CCDC102B: variants seen among roughly 807,000 people sequenced by gnomAD.
CCDC102B encodes coiled-coil domain-containing protein 102B.
Under a neutral mutation model 57.4 loss-of-function variants are expected in CCDC102B, and 75 were observed. The observed-to-expected ratio is 1.31, with a 90% CI of 1.08 to 1.58. The LOEUF is 1.58. Ranked by LOEUF, CCDC102B falls within the 40% of genes most tolerant of loss-of-function variation. The pLI, the probability that CCDC102B is intolerant of heterozygous loss-of-function variation, is 0.00. For synonymous variants in CCDC102B, 206 were observed against 201.9 expected (o/e 1.02, Z -0.17); for missense variants, 636 against 582.6 (o/e 1.09, Z -0.94).
intron 1 of CCDC102B, among the ~76,000 whole-genome samples, chr18:68,829,213 A>G (rs1871109231): frequency 6.6e-6 from 1 of 152,042 alleles, no homozygotes; most frequent in Admixed American, 6.6e-5. Flanking sequence ...TCCAGCTCAT[A>G]CATACAAAAT....
rs75003044 is a variant in CCDC102B at position 68,727,751 on chromosome 18, G to A, written c.-67+11157G>A. On this transcript the variant is annotated intron_variant, in intron 2 of 3. Coordinates refer to the CCDC102B transcript ENST00000578970. ...GAAAGCAGCTGTCTTGTGTCCAGCA[G>A]CTAGTAAATTCTTCATGGGAGAATA... 7.2e-3 allele frequency among the ~76,000 whole-genome samples: 1,094 copies of A among 152,318 alleles called. 16 individuals are homozygous for A. The highest frequency in any genetic ancestry group is 0.025 in the African/African-American group (1,035 of 41,586).
chr18:68,998,494 G>T (rs2163476), intron 6 of CCDC102B, among the ~76,000 whole-genome samples: 128,293 of 149,460 alleles, frequency 0.86, 56,955 homozygotes, highest in Non-Finnish European at 0.97. Context: ...TAGATGCATA[G>T]GAAAGAGAGT....
At chr18:68,759,220 C>T (rs1017188946) in intron 2 of CCDC102B, among the ~76,000 whole-genome samples, 2 of 151,864 alleles carry the variant, frequency 1.3e-5, no homozygotes, top group African/African-American at 4.8e-5. Flanking sequence ...ATTACCAGTC[C>T]AGGATGTTTA....
intron 2 of CCDC102B, among the ~76,000 whole-genome samples, chr18:68,776,793 A>G (rs1283664056): frequency 1.3e-5 from 2 of 152,334 alleles, no homozygotes; most frequent in East Asian, 3.9e-4. Context: ...ACAAACCTGC[A>G]TATGTACCCC....
intron 7 of CCDC102B, 30 bp from the exon 8 acceptor site, chr18:69,054,000 T>C (rs781278290): frequency 1.5e-5 from 23 of 1,580,290 alleles, no homozygotes; most frequent in Middle Eastern, 3.3e-4. Flanking sequence ...CACTTGAACC[T>C]AACTAAAGCA....
At chr18:68,790,501 C>T (rs1037123883) in intron 2 of CCDC102B, among the ~76,000 whole-genome samples, 2 of 152,132 alleles carry the variant, frequency 1.3e-5, no homozygotes, top group African/African-American at 4.8e-5. Flanking sequence ...GCGTAGGACC[C>T]TCCGAGCCAG....
chr18:68,964,895 C>T (rs1474569427), intron 6 of CCDC102B, among the ~76,000 whole-genome samples: 4 of 151,638 alleles, frequency 2.6e-5, no homozygotes, highest in African/African-American at 9.7e-5. Context: ...TTCTCTTTTC[C>T]TCAGTTCTTG....
At chr18:68,755,911 A>G (rs2034031628) in intron 2 of CCDC102B, among the ~76,000 whole-genome samples, 1 of 151,686 alleles carries the variant, frequency 6.6e-6, no homozygotes, top group African/African-American at 2.4e-5. Flanking sequence ...TGCTTGAAAC[A>G]TTTCACATAC....
At chr18:68,727,805 T>A (rs187396807) in intron 2 of CCDC102B, among the ~76,000 whole-genome samples, 41 of 152,328 alleles carry the variant, frequency 2.7e-4, no homozygotes, top group Non-Finnish European at 5.4e-4. Context: ...CTGGGCAGAA[T>A]TACAGGCTCT....
intron 7 of CCDC102B, among the ~76,000 whole-genome samples, chr18:69,032,905 CT>C (rs2052187083): frequency 6.6e-6 from 1 of 151,982 alleles, no homozygotes; most frequent in Non-Finnish European, 1.5e-5. Context: ...GAAAAAAAAA[CT>C]CTGAGCTGCA....
At chr18:68,965,628 A>G (rs2050149668) in intron 6 of CCDC102B, among the ~76,000 whole-genome samples, 1 of 151,448 alleles carries the variant, frequency 6.6e-6, no homozygotes, top group Non-Finnish European at 1.5e-5. Context: ...ATATATATAT[A>G]AAAAACCAGT....
intron 6 of CCDC102B, among the ~76,000 whole-genome samples, chr18:68,905,799 T>C (rs1042399405): frequency 3.8e-5 from 5 of 131,678 alleles, no homozygotes; most frequent in Non-Finnish European, 8.0e-5. Context: ...TTTTTTTTTT[T>C]TTTTTTTTTT....
intron 2 of CCDC102B, among the ~76,000 whole-genome samples, chr18:68,782,800 AT>A (rs1255112154): frequency 2.6e-5 from 4 of 152,228 alleles, no homozygotes; most frequent in African/African-American, 7.2e-5. Context: ...ATGTTTCATA[AT>A]ACAGTAAAAA....
intron 5 of CCDC102B, among the ~76,000 whole-genome samples, chr18:68,896,881 T>C (rs568598045): frequency 6.6e-6 from 1 of 151,986 alleles, no homozygotes; most frequent in African/African-American, 2.4e-5. Context: ...AATGATATTG[T>C]GTCTTCTCCA....
intron 7 of CCDC102B, among the ~76,000 whole-genome samples, chr18:69,019,494 G>T (rs1392796499): frequency 6.6e-6 from 1 of 150,818 alleles, no homozygotes; most frequent in Admixed American, 6.6e-5. Context: ...TATTGTGAGT[G>T]GGATTGTTTT....
At chr18:68,884,729 AT>A (rs2039820035) in intron 5 of CCDC102B, among the ~76,000 whole-genome samples, 1 of 148,562 alleles carries the variant, frequency 6.7e-6, no homozygotes, top group Admixed American at 6.7e-5. Flanking sequence ...ATATTATTAT[AT>A]TCATTATAAT....
chr18:68,748,964 G>GTGT (rs2033737502), intron 2 of CCDC102B, among the ~76,000 whole-genome samples: 1 of 152,164 alleles, frequency 6.6e-6, no homozygotes. Context: ...AAGGTGTAAG[G>GTGT]AAGGGATCCA....
chr18:69,000,478 A>G (rs78123044), intron 6 of CCDC102B, among the ~76,000 whole-genome samples: 3,921 of 152,294 alleles, frequency 0.026, 116 homozygotes, highest in East Asian at 0.13. Flanking sequence ...ATACGTATAT[A>G]GACACATACA....
chr18:69,050,603 A>G (rs1220332911), intron 7 of CCDC102B, among the ~76,000 whole-genome samples: 1 of 152,210 alleles, frequency 6.6e-6, no homozygotes, highest in Non-Finnish European at 1.5e-5. Context: ...CACATAATGC[A>G]ATCTATAAAT....
Sources: allele counts gnomAD v4.1 joint callset (sites outside exome capture counted in the v4.1 genomes callset), GRCh38; gene constraint gnomAD v4.1.1; transcripts MANE v1.5; gene names NCBI Gene and HGNC (gene_info 2026-07-23, HGNC 2026-07-21).